The following RNPEPL1 variants were observed in gnomAD, a reference collection of about 807,000 sequenced individuals.
The protein encoded by RNPEPL1 is arginyl aminopeptidase like 1.
In RNPEPL1, 46 loss-of-function variants were observed where a neutral mutation model predicts 69.0. That is an observed-to-expected ratio of 0.67 (90% confidence interval 0.53 to 0.85). The LOEUF (loss-of-function observed/expected upper bound fraction) is 0.85. Among genes scored for constraint, RNPEPL1 ranks in the 40% least tolerant of loss-of-function variants. RNPEPL1 has a pLI of 0.00. For synonymous variants in RNPEPL1, 525 were observed against 454.1 expected (o/e 1.16, Z -1.98); for missense variants, 869 against 992.5 (o/e 0.88, Z 1.67).
chr2:240,577,864 C>G lies in RNPEPL1; in HGVS notation c.2150C>G (p.Ser717Cys). The change falls in exon 11 of 11, where the codon TCT (serine) becomes TGT (cysteine). Residue 717 changes from serine to cysteine, a missense_variant. Transcript: ENST00000270357. ...LGDEAPSSAI[S>C]LRDVNVSA is the part of the protein sequence containing the mutation. ...GACGAGGCCCCCAGCAGTGCCATCT[C>G]TCTCAGGGACGTCAATGTGTCTGCC... The G allele has an allele frequency of 6.4e-7, 1 of 1,559,190 alleles. No individual in the cohort carries two copies. Among genetic ancestry groups the G allele is most frequent in the South Asian group, 1.2e-5 (1 of 86,194 alleles).
At chr2:240,571,919 C>T (rs938880073) in intron 1 of RNPEPL1, among the ~76,000 whole-genome samples, 10 of 151,662 alleles carry the variant, frequency 6.6e-5, no homozygotes, top group Non-Finnish European at 7.4e-5. Context: ...TGCCTGGGCT[C>T]AGGGTGGCTC....
At position 240,581,327 on chromosome 2, in the gene RNPEPL1, G is replaced by A. The variant is rs909673390; in HGVS notation, c.*3435G>A. On this transcript the variant is annotated 3_prime_UTR_variant, in exon 11 of 11. Coordinates refer to ENST00000270357, the MANE Select transcript of RNPEPL1 (RefSeq NM_018226.6). Reference sequence around the variant, plus strand: ...TAAAAAAGAACCAGTCAGAGACCCTGGAAATTTTTTAAAAAGCAATTACTA... The same window carrying A: ...TAAAAAAGAACCAGTCAGAGACCCTAGAAATTTTTTAAAAAGCAATTACTA... 5 of 152,140 alleles carry A rather than the reference G, an allele frequency of 3.3e-5. No individual in the cohort carries two copies. Among genetic ancestry groups the A allele is most frequent in the African/African-American group, 1.2e-4 (5 of 41,416 alleles). 9.4% of individuals were successfully genotyped at this position (152,140 alleles called of 1,614,324 possible). A position where few individuals can be genotyped will look rare whatever the true frequency, so the allele number is the denominator to read the frequency against.
Position 240,568,908 on chromosome 2 carries a change from G to A in RNPEPL1, c.322G>A (p.Ala108Thr), listed in dbSNP as rs762910166. Residue 108 changes from alanine to threonine, a missense_variant, in exon 1 of 11, where the codon GCC becomes ACC. Physicochemically the swap from Ala to Thr is moderately conservative, Grantham distance 58. This residue lies in a region of RNPEPL1 where 259 missense variants were observed against 201.5 expected (regional missense o/e 1.29). Coordinates refer to ENST00000270357, the MANE Select transcript of RNPEPL1 (RefSeq NM_018226.6). This position sits in a 1 kb window ranked among gnomAD's most constrained non-coding sequence, Gnocchi z 6.2. ...GACGCCCTGCGCCTTCGCCTTCTCC[G>A]CCCCCGGGCCGGGGCCCGCGCCGCC... ...AETPCAFAFS[A>T]PGPGPAPPPP... 24 of 1,271,464 alleles carry A rather than the reference G, an allele frequency of 1.9e-5. No individual in the cohort carries two copies. Among genetic ancestry groups the A allele is most frequent in the Middle Eastern group, 3.1e-4 (1 of 3,230 alleles). 78.8% of individuals were successfully genotyped at this position (1,271,464 alleles called of 1,614,324 possible).
Position 240,575,051 on chromosome 2 carries a change from T to C in RNPEPL1, c.1310T>C (p.Met437Thr). ...LEPGVNPSHL[M>T]NLFTYEKGYC... is the part of the protein sequence containing the mutation. ...GCAGGAGTGAATCCCAGCCACCTGA[T>C]GAACCTGTTCACCTACGAGAAGGGC... is the stretch of plus-strand genomic sequence containing the variant. Residue 437 changes from methionine to threonine, a missense_variant, in exon 7 of 11, where the codon ATG (methionine) becomes ACG (threonine). Met to Thr is a moderately conservative substitution (Grantham distance 81, BLOSUM62 -1). Transcript: ENST00000270357. The C allele has an allele frequency of 6.2e-7, 1 of 1,613,786 alleles. No individual in the cohort carries two copies. The highest frequency in any genetic ancestry group is 8.5e-7 in the Non-Finnish European group (1 of 1,179,982).
intron 10 of RNPEPL1, 69 bp downstream of exon 10, chr2:240,577,059 T>C: frequency 1.3e-6 from 2 of 1,586,024 alleles, no homozygotes; most frequent in Non-Finnish European, 1.7e-6. Flanking sequence ...CCCACCCGAC[T>C]CCCTAGTCTG....
In RNPEPL1 at chr2:240,577,939, C is replaced by A; in HGVS notation, c.*47C>A. ...CGACCTCCCAGACACCACAATTGTGCCTTCTGTGGGCCAGGCCTGCCATGA... is the reference window on the plus strand; with the variant it reads ...CGACCTCCCAGACACCACAATTGTGACTTCTGTGGGCCAGGCCTGCCATGA... On this transcript the variant is annotated 3_prime_UTR_variant, in exon 11 of 11. Coordinates refer to ENST00000270357, the MANE Select transcript of RNPEPL1 (RefSeq NM_018226.6). 1 of 1,424,544 alleles carries A rather than the reference C, an allele frequency of 7.0e-7. No individual in the cohort carries two copies. The highest frequency in any genetic ancestry group is 9.3e-7 in the Non-Finnish European group (1 of 1,078,378). 88.2% of individuals were successfully genotyped at this position (1,424,544 alleles called of 1,614,324 possible).
At chr2:240,570,290 C>A (rs1322498544) in intron 1 of RNPEPL1, among the ~76,000 whole-genome samples, 1 of 152,232 alleles carries the variant, frequency 6.6e-6, no homozygotes, top group Non-Finnish European at 1.5e-5. Flanking sequence ...GCCATTGTCT[C>A]TTGGCTTCCT....
chr2:240,572,612 G>A lies in RNPEPL1; in HGVS notation c.669+49G>A, dbSNP rs1260697787. ...ACCTTGCTCCCAGGACAGCCCAGTG[G>A]CCTGGCCACGCCGCCTCCCCCTTGC... On this transcript the variant is annotated intron_variant, in intron 2 of 10. Coordinates refer to ENST00000270357, the MANE Select transcript of RNPEPL1 (RefSeq NM_018226.6). The A allele has an allele frequency of 5.9e-6, 9 of 1,530,722 alleles. No homozygotes were observed. In the East Asian group the frequency reaches 2.2e-4, roughly 37 times the overall value. 94.8% of individuals were successfully genotyped at this position (1,530,722 alleles called of 1,614,324 possible).
chr2:240,577,101 G>A (rs2093040073), intron 10 of RNPEPL1, 111 bp downstream of exon 10: 1 of 1,391,452 alleles, frequency 7.2e-7, no homozygotes, highest in Non-Finnish European at 9.9e-7. Context: ...ACATTCTGGA[G>A]AATGGGGCGG....
chr2:240,574,755 C>A, intron 6 of RNPEPL1, 127 bp downstream of exon 6: 1 of 881,866 alleles, frequency 1.1e-6, no homozygotes, highest in Non-Finnish European at 1.8e-6. Flanking sequence ...CTGCCAAGGC[C>A]AAGCTGGGAG....
At chr2:240,575,310 C>T in intron 7 of RNPEPL1, 168 bp downstream of exon 7, 2 of 731,482 alleles carry the variant, frequency 2.7e-6, no homozygotes, top group Non-Finnish European at 4.7e-6. Flanking sequence ...GGGTTGCCAC[C>T]TCCCCTTCTG....
chr2:240,576,890 A>C lies in RNPEPL1; in HGVS notation c.1784A>C (p.Asp595Ala). Residue 595 changes from aspartate to alanine, a missense_variant, in exon 10 of 11, where the codon GAC becomes GCC. Asp to Ala is a moderately radical substitution (Grantham distance 126). Transcript: ENST00000270357. The stretch of plus-strand genomic sequence containing the variant: ...TCCAAGTGCTACTCCTCCCTGCTGG[A>C]CTCGATGAACGCTGAGATCCGCATC... ...SLSKCYSSLLDSMNAEIRIRW... is the reference protein window; with the variant it reads ...SLSKCYSSLLASMNAEIRIRW... The C allele has an allele frequency of 1.2e-6, 2 of 1,613,166 alleles. No homozygotes were observed. The highest frequency in any genetic ancestry group is 1.7e-6 in the Non-Finnish European group (2 of 1,179,934).
intron 4 of RNPEPL1, 100 bp from the exon 5 acceptor site, chr2:240,574,013 G>T (rs1403377921): frequency 3.6e-6 from 5 of 1,401,198 alleles, no homozygotes; most frequent in African/African-American, 2.8e-5. Flanking sequence ...CTCACCGCAG[G>T]GGCTGGGCTG....
At chr2:240,576,446 C>A in intron 8 of RNPEPL1, 89 bp from the exon 9 acceptor site, 1 of 1,268,384 alleles carries the variant, frequency 7.9e-7, no homozygotes, top group Non-Finnish European at 1.1e-6. Context: ...GCCTGGAACA[C>A]ACTCAGGGTC....
At chr2:240,572,118 T>C (rs537695604) in intron 1 of RNPEPL1, among the ~76,000 whole-genome samples, 2 of 152,380 alleles carry the variant, frequency 1.3e-5, no homozygotes, top group East Asian at 3.9e-4. Context: ...TATTCCCTTT[T>C]TTCGCCTTGG....
rs2125450154 is a variant in RNPEPL1 at position 240,575,220 on chromosome 2, T to C, written c.1401+78T>C. 5 of 1,159,880 alleles carry C rather than the reference T, an allele frequency of 4.3e-6. No individual in the cohort carries two copies. The East Asian group carries it at 9.4e-5, about 22-fold the overall frequency. 71.8% of individuals were successfully genotyped at this position (1,159,880 alleles called of 1,614,324 possible). A position where few individuals can be genotyped will look rare whatever the true frequency, so the allele number is the denominator to read the frequency against. ...CCCCGGCTCACAGGGCTGCCTGCTC[T>C]TGCGGCAGTTGGGGTGGAACTGGCA... On this transcript the variant is annotated intron_variant, in intron 7 of 10. Coordinates refer to ENST00000270357, the MANE Select transcript of RNPEPL1 (RefSeq NM_018226.6).
chr2:240,577,543 G>C, intron 10 of RNPEPL1, 56 bp from the exon 11 acceptor site: 1 of 1,501,520 alleles, frequency 6.7e-7, no homozygotes, highest in Non-Finnish European at 8.9e-7. Context: ...TGGCAGGGTG[G>C]GCTGGCTCGA....
chr2:240,569,638 C>T (rs1178175285), intron 1 of RNPEPL1, among the ~76,000 whole-genome samples: 1 of 152,242 alleles, frequency 6.6e-6, no homozygotes, highest in Admixed American at 6.5e-5. Context: ...GTACCCACCA[C>T]TCCAGAGACT....
intron 1 of RNPEPL1, among the ~76,000 whole-genome samples, chr2:240,570,281 C>T (rs2093017477): frequency 6.6e-6 from 1 of 152,218 alleles, no homozygotes; most frequent in South Asian, 2.1e-4. Context: ...GCAAGGGTGG[C>T]CATTGTCTCT....
Sources: gnomAD v4.1 joint callset for allele counts (sites outside exome capture counted in the v4.1 genomes callset) on GRCh38, gnomAD v4.1.1 for gene constraint, gnomAD v4.1.1 regional missense constraint, Gnocchi (gnomAD v3.1) non-coding constraint, MANE v1.5 for transcripts, NCBI Gene and HGNC (gene_info 2026-07-23, HGNC 2026-07-21) for gene names.